ACACB: variants seen among roughly 807,000 people sequenced by gnomAD.
ACACB encodes the protein acetyl-CoA carboxylase beta.
A neutral mutation model predicts 278.8 loss-of-function variants in ACACB; 209 were observed. The ratio of observed to expected loss-of-function variants is 0.75; its 90% CI spans 0.67 to 0.84. The LOEUF is 0.84. Among genes scored for constraint, ACACB ranks in the 40% least tolerant of loss-of-function variants. ACACB has a pLI of 0.00. For synonymous variants in ACACB, 1,174 were observed against 1,285.6 expected (o/e 0.91, Z 1.86); for missense variants, 2,850 against 3,269.0 (o/e 0.87, Z 3.13).
At chr12:109,207,465 C>T (rs894753188) in intron 20 of ACACB, among the ~76,000 whole-genome samples, 1 of 152,142 alleles carries the variant, frequency 6.6e-6, no homozygotes, top group Non-Finnish European at 1.5e-5. Context: ...TGAAACACAC[C>T]TCTGTTCGTC....
intron 2 of ACACB, among the ~76,000 whole-genome samples, chr12:109,157,275 A>G (rs186331642): frequency 2.3e-5 from 3 of 132,632 alleles, no homozygotes; most frequent in African/African-American, 1.2e-4. Context: ...TAGAGTTGTT[A>G]TTATTATTAT....
chr12:109,155,671 TTAAG>T (rs1372078880), intron 2 of ACACB, among the ~76,000 whole-genome samples: 1 of 152,016 alleles, frequency 6.6e-6, no homozygotes, highest in Non-Finnish European at 1.5e-5. Context: ...TCATTCAACA[TTAAG>T]TATTTTTCTA....
chr12:109,113,151 TACTC>T (rs2042341828), upstream of ACACB: 1 of 152,244 alleles, frequency 6.6e-6, no homozygotes, highest in South Asian at 2.1e-4. Context: ...CCCCTGTGTG[TACTC>T]ACTGTCAGTG....
chr12:109,116,498 G>A (rs562948113), upstream of ACACB: 5 of 152,338 alleles, frequency 3.3e-5, no homozygotes, highest in East Asian at 1.9e-4. Flanking sequence ...TCTTTGCCCC[G>A]GGTTGTTGCT....
At chr12:109,229,437 G>A (rs1489570260) in intron 28 of ACACB, among the ~76,000 whole-genome samples, 2 of 152,152 alleles carry the variant, frequency 1.3e-5, no homozygotes, top group African/African-American at 2.4e-5. Flanking sequence ...TCTGAGCCAG[G>A]TGTGAGGGCA....
chr12:109,237,059 T>C (rs928616534), intron 33 of ACACB, 106 bp from the exon 34 acceptor site: 3 of 1,138,766 alleles, frequency 2.6e-6, no homozygotes, highest in African/African-American at 1.5e-5. Flanking sequence ...GCCAAACCCA[T>C]GGACACCAGG....
intron 9 of ACACB, among the ~76,000 whole-genome samples, chr12:109,177,674 T>C (rs898494650): frequency 1.3e-5 from 2 of 152,202 alleles, no homozygotes; most frequent in African/African-American, 4.8e-5. Context: ...ATTTTTCATA[T>C]AACTTTGCAA....
intron 9 of ACACB, among the ~76,000 whole-genome samples, chr12:109,176,761 C>T (rs1052739272): frequency 2.0e-5 from 3 of 152,108 alleles, no homozygotes; most frequent in East Asian, 1.9e-4. Context: ...GGATTACAGG[C>T]GTGTGCCACC....
At chr12:109,213,835 C>T (rs1257715333) in intron 22 of ACACB, among the ~76,000 whole-genome samples, 2 of 151,614 alleles carry the variant, frequency 1.3e-5, no homozygotes, top group African/African-American at 4.8e-5. Context: ...CTCCTGACCT[C>T]GTGATCCCCC....
intron 9 of ACACB, among the ~76,000 whole-genome samples, chr12:109,177,395 G>A (rs1163775956): frequency 6.6e-6 from 1 of 152,122 alleles, no homozygotes; most frequent in Non-Finnish European, 1.5e-5. Context: ...AAGACTTGGG[G>A]AGAAAGACTT....
chr12:109,262,459 G>C lies in ACACB; in HGVS notation c.6777G>C (p.Met2259Ile), dbSNP rs763597132. The change falls in exon 49 of 53, where the codon ATG (methionine) becomes ATC (isoleucine). Residue 2259 changes from methionine to isoleucine, a missense_variant. By Grantham distance (10) the Met-to-Ile change is conservative. Around this residue, in one of 3 missense-constraint regions of ACACB, gnomAD observed 579 missense variants for 684.6 expected, o/e 0.85. Coordinates refer to ENST00000338432, the MANE Select transcript of ACACB (RefSeq NM_001093.4). ...TCGATCCAGCTTACAAGAAGCTCATGGAACAGCTAGGTAAGGGGGTCCCAA... is the reference window on the plus strand; with the variant it reads ...TCGATCCAGCTTACAAGAAGCTCATCGAACAGCTAGGTAAGGGGGTCCCAA... ...RRIDPAYKKLMEQLGEPDLSD... is the reference protein window; with the variant it reads ...RRIDPAYKKLIEQLGEPDLSD... 3.1e-6 allele frequency: 5 copies of C among 1,612,638 alleles called. No homozygotes were observed. In the East Asian group the frequency reaches 6.7e-5, roughly 22 times the overall value.
intron 3 of ACACB, 82 bp downstream of exon 3, chr12:109,167,075 G>A (rs1239889324): frequency 6.9e-6 from 11 of 1,587,404 alleles, no homozygotes; most frequent in Non-Finnish European, 9.5e-6. Context: ...GGGAGATTCG[G>A]GTTCAGGCTC....
chr12:109,143,994 C>G (rs898095870), intron 2 of ACACB, among the ~76,000 whole-genome samples: 2 of 151,994 alleles, frequency 1.3e-5, no homozygotes, highest in African/African-American at 4.8e-5. Flanking sequence ...TAATGAGACC[C>G]TGTCTCTACA....
intron 45 of ACACB, 48 bp from the exon 46 acceptor site, chr12:109,258,220 C>A: frequency 1.3e-6 from 2 of 1,483,680 alleles, no homozygotes; most frequent in Non-Finnish European, 1.9e-6. Flanking sequence ...TCCCCAAATG[C>A]ACCTGGGGTG....
Position 109,179,090 on chromosome 12 carries a change from A to G in ACACB, c.1440A>G (p.Val480=), listed in dbSNP as rs1365571637. Residue 480 remains valine, a splice_region_variant and synonymous_variant, in exon 10 of 53, where the codon GTA becomes GTG. Coordinates refer to ENST00000338432, the MANE Select transcript of ACACB (RefSeq NM_001093.4). ...AEDFPILFRQ[V]QSEIPGSPIF... is the part of the protein sequence containing the mutation. ...GGCTGCTCTGCTTCCCCCGACAGGTACAGAGTGAGATCCCAGGCTCGCCCA... is the reference window on the plus strand; with the variant it reads ...GGCTGCTCTGCTTCCCCCGACAGGTGCAGAGTGAGATCCCAGGCTCGCCCA... The G allele has an allele frequency of 2.5e-6, 4 of 1,612,370 alleles. No homozygotes were observed. The highest frequency in any genetic ancestry group is 2.7e-5 in the African/African-American group (2 of 74,888).
intron 19 of ACACB, among the ~76,000 whole-genome samples, chr12:109,205,463 T>A (rs1250272910): frequency 6.6e-6 from 1 of 151,974 alleles, no homozygotes; most frequent in African/African-American, 2.4e-5. Context: ...GCTTTTTTTT[T>A]TTTTGAGACA....
Position 109,233,773 on chromosome 12 carries a change from T to G in ACACB, c.4165T>G (p.Phe1389Val), listed in dbSNP as rs751876382. The change falls in exon 30 of 53, where the codon TTC becomes GTC. Residue 1389 changes from phenylalanine to valine, a missense_variant. By Grantham distance (50) the Phe-to-Val change is conservative. This residue lies in a region of ACACB where 2,265 missense variants were observed against 2,561.3 expected (regional missense o/e 0.88). Coordinates refer to ENST00000338432, the MANE Select transcript of ACACB (RefSeq NM_001093.4). Reference protein sequence around the residue: ...TRNFDEVISCFANVPKDTPLF... With the variant: ...TRNFDEVISCVANVPKDTPLF... ...AAATTTTGATGAAGTCATCTCTTGC[T>G]TCGCCAACGTGCCCAAAGACACCCC... The G allele has an allele frequency of 1.4e-5, 22 of 1,614,060 alleles. No homozygotes were observed. Among genetic ancestry groups the G allele is most frequent in the Middle Eastern group, 1.6e-4 (1 of 6,084 alleles).
chr12:109,246,136 A>G (rs372526231), intron 38 of ACACB, 43 bp from the exon 39 acceptor site: 48 of 1,561,168 alleles, frequency 3.1e-5, no homozygotes, highest in Middle Eastern at 1.7e-4. Flanking sequence ...TTTTCCCCCA[A>G]AGAAACAAAC....
intron 16 of ACACB, among the ~76,000 whole-genome samples, chr12:109,194,882 C>A (rs1417563572): frequency 6.6e-6 from 1 of 152,028 alleles, no homozygotes; most frequent in Non-Finnish European, 1.5e-5. Flanking sequence ...GAATAGTGGG[C>A]CCGGGTCTGT....
Sources: gnomAD v4.1 joint callset for allele counts (sites outside exome capture counted in the v4.1 genomes callset) on GRCh38, gnomAD v4.1.1 for gene constraint, gnomAD v4.1.1 regional missense constraint, MANE v1.5 for transcripts, NCBI Gene and HGNC (gene_info 2026-07-23, HGNC 2026-07-21) for gene names.